Variants in HEY1 observed in about 807,000 individuals in gnomAD.
HEY1 encodes hes related family bHLH transcription factor with YRPW motif 1, also known as hairy/enhancer-of-split related with YRPW motif protein 1.
A neutral mutation model predicts 28.7 loss-of-function variants in HEY1; 9 were observed. That is an observed-to-expected ratio of 0.31 (90% CI 0.19 to 0.55). HEY1 has a LOEUF of 0.55. Ranked by LOEUF, HEY1 falls within the 20% of genes least tolerant of loss-of-function variation. The probability of loss-of-function intolerance (pLI) is 0.93; values close to 1 mark genes in which losing one functional copy is unlikely to be tolerated. For missense variants in HEY1, 385 were observed against 399.4 expected (o/e 0.96, Z 0.31); for synonymous variants, 213 against 175.6 (o/e 1.21, Z -1.68).
At chr8:79,766,192 T>A in intron 4 of HEY1, 1 of 1,530,690 alleles carries the variant, frequency 6.5e-7, no homozygotes, top group Non-Finnish European at 8.7e-7. Flanking sequence ...TGGAGAGACA[T>A]ACACACAGAC....
At chr8:79,766,461 G>A (rs1052803348) in intron 4 of HEY1, 190 bp downstream of exon 4, 96 of 1,493,304 alleles carry the variant, frequency 6.4e-5, no homozygotes, top group Non-Finnish European at 7.9e-5. Flanking sequence ...AGAGAGCTGG[G>A]GTGGTGAATT....
In HEY1 at chr8:79,765,475, G is replaced by A; in HGVS notation, c.628C>T (p.Pro210Ser). 1 of 1,613,430 alleles carries A rather than the reference G, an allele frequency of 6.2e-7. No homozygotes were observed. Among genetic ancestry groups the A allele is most frequent in the Non-Finnish European group, 8.5e-7 (1 of 1,179,716 alleles). ...CTGCCCTGGTGGTGCGGTTCCGTGG[G>A]TGAGGCCGTGGTGCCCGCGTTCCCG... ...GHGNAGTTAS[P>S]TEPHHQGRLG... Residue 210 changes from proline (P) to serine (S), a missense_variant, in exon 5 of 5, where the codon CCC becomes TCC. By Grantham distance (74) the Pro-to-Ser change is moderately conservative. Coordinates refer to ENST00000354724, the MANE Select transcript of HEY1 (RefSeq NM_012258.4).
Position 79,766,133 on chromosome 8 carries a change from T to C in HEY1, c.332-362A>G, listed in dbSNP as rs1037814541. 3.5e-6 allele frequency: 4 copies of C among 1,134,810 alleles called. No homozygotes were observed. In the African/African-American group the frequency reaches 4.7e-5, roughly 13 times the overall value. 70.3% of individuals were successfully genotyped at this position (1,134,810 alleles called of 1,614,324 possible). A position where few individuals can be genotyped will look rare whatever the true frequency, so the allele number is the denominator to read the frequency against. On this transcript the variant is annotated intron_variant, in intron 4 of 4. Coordinates refer to ENST00000354724, the MANE Select transcript of HEY1 (RefSeq NM_012258.4). ...TCATTAGACACACAGATGTAAGTTA[T>C]CATCGCGGAGCTTTTAGGCACTTGG...
At position 79,765,147 on chromosome 8, in the gene HEY1, G is replaced by T; in HGVS notation, c.*41C>A. 7.1e-7 allele frequency: 1 copy of T among 1,401,676 alleles called. No homozygotes were observed. The highest frequency in any genetic ancestry group is 9.7e-7 in the Non-Finnish European group (1 of 1,034,374). The allele number at this position is 1,401,676 out of a possible 1,614,324, so 86.8% of individuals were successfully genotyped here. ...ATGTTGGCAACAGTCCAGCCCAGCT[G>T]GGATTTTAAACTTTCCCCTCCCTCA... On this transcript the variant is annotated 3_prime_UTR_variant, in exon 5 of 5. Coordinates refer to ENST00000354724, the MANE Select transcript of HEY1 (RefSeq NM_012258.4).
At chr8:79,766,355 T>C (rs1807836576) in intron 4 of HEY1, 2 of 1,482,318 alleles carry the variant, frequency 1.3e-6, no homozygotes, top group South Asian at 1.4e-5. Context: ...AATGGACAAA[T>C]GTGAAAGCTA....
Position 79,766,659 on chromosome 8 carries a change from C to T in HEY1, c.323G>A (p.Gly108Glu), listed in dbSNP as rs1456821814. 1 of 1,614,234 alleles carries T rather than the reference C, an allele frequency of 6.2e-7. No individual in the cohort carries two copies. The highest frequency in any genetic ancestry group is 1.7e-5 in the Admixed American group (1 of 60,028). Residue 108 changes from glycine to glutamate, a missense_variant, in exon 4 of 5, where the codon GGA (glycine) becomes GAA (glutamate). Transcript: ENST00000354724. ...AGGTCTAGGAGATGTACCTTTCCCTCCTGCCGTATGCAGCATTTTCAGGTG... is the reference window on the plus strand; with the variant it reads ...AGGTCTAGGAGATGTACCTTTCCCTTCTGCCGTATGCAGCATTTTCAGGTG... ...VDHLKMLHTA[G>E]GKGYFDAHAL...
rs1290561938 is a variant in HEY1 at position 79,764,702 on chromosome 8, T to C, written c.*486A>G. 4.5e-6 allele frequency: 1 copy of C among 222,150 alleles called. No individual in the cohort carries two copies. The highest frequency in any genetic ancestry group is 2.2e-5 in the African/African-American group (1 of 44,786). 13.8% of individuals were successfully genotyped at this position (222,150 alleles called of 1,614,324 possible). A position where few individuals can be genotyped will look rare whatever the true frequency, so the allele number is the denominator to read the frequency against. ...AGTTCCCCTCCCCCCAAAAGAATAT[T>C]ATTTATACAACACCTTAATCTGTCA... On this transcript the variant is annotated 3_prime_UTR_variant, in exon 5 of 5. Coordinates refer to ENST00000354724, the MANE Select transcript of HEY1 (RefSeq NM_012258.4).
intron 4 of HEY1, chr8:79,766,061 A>C (rs927619439): frequency 5.8e-6 from 4 of 692,544 alleles, no homozygotes; most frequent in Non-Finnish European, 9.1e-6. Flanking sequence ...TCCCTCAACA[A>C]CAACAAAAAA....
chr8:79,766,922 AT>A, intron 3 of HEY1, 86 bp downstream of exon 3: 2 of 1,313,594 alleles, frequency 1.5e-6, no homozygotes, highest in Non-Finnish European at 2.2e-6. Context: ...CAACACAGCT[AT>A]TTTCCAAGGC....
rs555611278 is a variant in HEY1, at chr8:79,765,659, G to A, written c.444C>T (p.Asp148=). Residue 148 remains aspartate, a synonymous_variant, in exon 5 of 5, where the codon GAC becomes GAT. Coordinates refer to ENST00000354724, the MANE Select transcript of HEY1 (RefSeq NM_012258.4). The stretch of plus-strand genomic sequence containing the variant: ...GCGAAACCAGTCGAACTCGAAGCGG[G>A]TCAGAGGCATCTAGTCCTTCAATGA... The part of the protein sequence containing the change: ...LSIIEGLDAS[D]PLRVRLVSHL... 2.5e-6 allele frequency: 4 copies of A among 1,614,274 alleles called. No homozygotes were observed. The highest frequency in any genetic ancestry group is 3.4e-6 in the Non-Finnish European group (4 of 1,180,044).
intron 4 of HEY1, chr8:79,766,311 C>T (rs1807835355): frequency 1.3e-6 from 2 of 1,512,686 alleles, no homozygotes; most frequent in Non-Finnish European, 8.8e-7. Context: ...AATAAGACCA[C>T]ATATTGTTTT....
intron 1 of HEY1, 53 bp from the exon 2 acceptor site, chr8:79,767,347 A>G: frequency 1.3e-6 from 2 of 1,502,306 alleles, no homozygotes; most frequent in South Asian, 2.3e-5. Context: ...AAACGAGGAG[A>G]GGTGATCTGA....
Position 79,765,438 on chromosome 8 carries a change from G to A in HEY1, c.665C>T (p.Ala222Val). Residue 222 changes from alanine to valine, a missense_variant, in exon 5 of 5, where the codon GCA becomes GTA. Physicochemically the swap from Ala to Val is moderately conservative, Grantham distance 64. Transcript: ENST00000354724. The stretch of plus-strand genomic sequence containing the variant: ...TCGCAAAGCAGGCGCCTCCGGATGT[G>A]CCGAGCCCAGCCTGCCCTGGTGGTG... ...EPHHQGRLGS[A>V]HPEAPALRAP... The A allele has an allele frequency of 6.2e-7, 1 of 1,612,476 alleles. No homozygotes were observed. The highest frequency in any genetic ancestry group is 8.5e-7 in the Non-Finnish European group (1 of 1,179,306).
rs368500101 is a variant in HEY1, at chr8:79,767,688, G to C, written c.-25C>G. The C allele has an allele frequency of 4.9e-5, 77 of 1,561,186 alleles. No individual in the cohort carries two copies. In the East Asian group the frequency reaches 6.0e-4, roughly 12 times the overall value. On this transcript the variant is annotated 5_prime_UTR_variant, in exon 1 of 5. Transcript: ENST00000354724. The stretch of plus-strand genomic sequence containing the variant: ...TGCTGGCTCCCTGGGGGTTCCTGGG[G>C]AGGGTCGGCGCGGCGGGCAGGGAGG...
At chr8:79,767,444 C>G in intron 1 of HEY1, 131 bp downstream of exon 1, 5 of 1,132,034 alleles carry the variant, frequency 4.4e-6, no homozygotes, top group Non-Finnish European at 6.3e-6. Context: ...CCGCAGGCTG[C>G]CGCCAGCCTG....
At position 79,765,446 on chromosome 8, in the gene HEY1, C is replaced by G; in HGVS notation, c.657G>C (p.Leu219=). 6.2e-7 allele frequency: 1 copy of G among 1,612,832 alleles called. No homozygotes were observed. Among genetic ancestry groups the G allele is most frequent in the Non-Finnish European group, 8.5e-7 (1 of 1,179,446 alleles). Residue 219 remains leucine (L), a synonymous_variant, in exon 5 of 5, where the codon CTG becomes CTC. Coordinates refer to ENST00000354724, the MANE Select transcript of HEY1 (RefSeq NM_012258.4). ...CAGGCGCCTCCGGATGTGCCGAGCC[C>G]AGCCTGCCCTGGTGGTGCGGTTCCG... The part of the protein sequence containing the change: ...SPTEPHHQGR[L]GSAHPEAPAL...
Position 79,766,661 on chromosome 8 carries a change from T to G in HEY1, c.321A>C (p.Ala107=). Reference sequence around the variant, plus strand: ...GTCTAGGAGATGTACCTTTCCCTCCTGCCGTATGCAGCATTTTCAGGTGAT... The same window carrying G: ...GTCTAGGAGATGTACCTTTCCCTCCGGCCGTATGCAGCATTTTCAGGTGAT... ...TVDHLKMLHT[A]GGKGYFDAHA... Residue 107 remains alanine, a synonymous_variant, in exon 4 of 5, where the codon GCA becomes GCC. Transcript: ENST00000354724. 6.2e-7 allele frequency: 1 copy of G among 1,614,228 alleles called. No individual in the cohort carries two copies. Among genetic ancestry groups the G allele is most frequent in the Non-Finnish European group, 8.5e-7 (1 of 1,180,052 alleles).
intron 4 of HEY1, 189 bp downstream of exon 4, chr8:79,766,462 G>T: frequency 1.3e-6 from 2 of 1,494,826 alleles, no homozygotes; most frequent in South Asian, 1.4e-5. Flanking sequence ...GAGAGCTGGG[G>T]TGGTGAATTC....
chr8:79,765,308 G>A lies in HEY1; in HGVS notation c.795C>T (p.Pro265=). Residue 265 remains proline (P), a synonymous_variant, in exon 5 of 5, where the codon CCC becomes CCT. Coordinates refer to ENST00000354724, the MANE Select transcript of HEY1 (RefSeq NM_012258.4). ...LSSVASLSAF[P]FSFGSFHLLS... ...GTAAGTGGAAGGAGCCGAAAGAGAA[G>A]GGGAAGGCCGACAGGGAGGCCACTG... The A allele has an allele frequency of 6.4e-7, 1 of 1,560,862 alleles. No homozygotes were observed.
Sources: allele counts gnomAD v4.1 joint callset, GRCh38; gene constraint gnomAD v4.1.1; transcripts MANE v1.5; gene names NCBI Gene and HGNC (gene_info 2026-07-23, HGNC 2026-07-21).